Variants in TLR8 observed in about 807,000 individuals in gnomAD.
TLR8 encodes toll like receptor 8, also known as toll-like receptor 8.
Under a neutral mutation model 18.5 loss-of-function variants are expected in TLR8, and 5 were observed. The observed-to-expected ratio is 0.27, with a 90% CI of 0.14 to 0.57. The LOEUF (loss-of-function observed/expected upper bound fraction) is 0.57, where lower values mean the gene tolerates loss of function less well. TLR8 is among the 20% of genes least tolerant of loss of function. The pLI is 0.92. For synonymous variants in TLR8, 299 were observed against 300.1 expected (o/e 1.00, Z 0.04); for missense variants, 543 against 769.8 (o/e 0.71, Z 3.49).
chrX:12,922,412 C>A lies in TLR8; in HGVS notation c.*246C>A. 1 of 353,507 alleles carries A rather than the reference C, an allele frequency of 2.8e-6. No individual in the cohort carries two copies. The highest frequency in any genetic ancestry group is 4.9e-6 in the Non-Finnish European group (1 of 205,810). The allele number at this position is 353,507 out of a possible 1,213,427, so 29.1% of individuals were successfully genotyped here. A position where few individuals can be genotyped will look rare whatever the true frequency, so the allele number is the denominator to read the frequency against. On this transcript the variant is annotated 3_prime_UTR_variant, in exon 2 of 2. Transcript: ENST00000218032. Reference sequence around the variant, plus strand: ...ACATAGGCATCACTGGGGTCACACTCATGTGGTTGTTTTCTGGATTCAATT... The same window carrying A: ...ACATAGGCATCACTGGGGTCACACTAATGTGGTTGTTTTCTGGATTCAATT...
At position 12,921,974 on chromosome X, in the gene TLR8, C is replaced by T; in HGVS notation, c.2934C>T (p.Ile978=). The change falls in exon 2 of 2, where the codon ATC becomes ATT. Residue 978 remains isoleucine (I), a synonymous_variant. Transcript: ENST00000218032. ...AGAACATGGATGTGATTATATTTAT[C>T]CTGCTGGAGCCAGTGTTACAGCATT... The part of the protein sequence containing the change: ...MDENMDVIIF[I]LLEPVLQHSQ... 8.3e-7 allele frequency: 1 copy of T among 1,211,034 alleles called. No individual in the cohort carries two copies. Among genetic ancestry groups the T allele is most frequent in the Non-Finnish European group, 1.1e-6 (1 of 895,074 alleles).
chrX:12,915,968 G>A (rs1307335157), intron 1 of TLR8, among the ~76,000 whole-genome samples: 1 of 109,483 alleles, frequency 9.1e-6, no homozygotes, highest in Non-Finnish European at 1.9e-5. Flanking sequence ...CACAACCTCT[G>A]CCTCCTGGGT....
At position 12,920,680 on chromosome X, in the gene TLR8, C is replaced by A; in HGVS notation, c.1640C>A (p.Ala547Asp). 1 of 1,211,533 alleles carries A rather than the reference C, an allele frequency of 8.3e-7. No individual in the cohort carries two copies. The change falls in exon 2 of 2, where the codon GCT becomes GAT. Residue 547 changes from alanine (A) to aspartate (D), a missense_variant. Physicochemically the swap from Ala to Asp is moderately radical, Grantham distance 126. Coordinates refer to ENST00000218032, the MANE Select transcript of TLR8 (RefSeq NM_138636.5). ...LTNNRLDFDN[A>D]SALTELSDLE... is the part of the protein sequence containing the mutation. ...AACAATAGACTAGACTTTGATAATG[C>A]TAGTGCTCTTACTGAATTGTCCGAC...
chrX:12,919,478 G>A lies in TLR8; in HGVS notation c.438G>A (p.Glu146=). 1.7e-6 allele frequency: 2 copies of A among 1,210,813 alleles called. No individual in the cohort carries two copies. Among genetic ancestry groups the A allele is most frequent in the Non-Finnish European group, 2.2e-6 (2 of 895,104 alleles). ...QLPQIPSGLP[E]SLTELSLIQN... ...CCCAAATACCCTCTGGTTTGCCAGA[G>A]TCTTTGACAGAACTTAGTCTAATTC... is the stretch of plus-strand genomic sequence containing the variant. The change falls in exon 2 of 2, where the codon GAG becomes GAA. Residue 146 remains glutamate (E), a synonymous_variant. Coordinates refer to ENST00000218032, the MANE Select transcript of TLR8 (RefSeq NM_138636.5).
At chrX:12,915,775 G>A (rs185589355) in intron 1 of TLR8, among the ~76,000 whole-genome samples, 1 of 112,592 alleles carries the variant, frequency 8.9e-6, no homozygotes, top group East Asian at 2.8e-4. Context: ...ATAGACACAG[G>A]GCCTTTGCAC....
At chrX:12,918,905 G>A in intron 1 of TLR8, 139 bp from the exon 2 acceptor site, 6 of 680,945 alleles carry the variant, frequency 8.8e-6, no homozygotes, top group Non-Finnish European at 1.3e-5. Flanking sequence ...GACCTAATCT[G>A]ATGCAATTTA....
chrX:12,919,954 C>G lies in TLR8; in HGVS notation c.914C>G (p.Ala305Gly). Residue 305 changes from alanine to glycine, a missense_variant, in exon 2 of 2, where the codon GCC becomes GGC. Ala to Gly is a moderately conservative substitution (Grantham distance 60). This residue lies in a region of TLR8 where 185 missense variants were observed against 298.9 expected (regional missense o/e 0.62). Transcript: ENST00000218032. Reference sequence around the variant, plus strand: ...ACTTCCCTCAGGAAGATTAATGCTGCCTGGTTTAAAAATATGCCTCATCTG... The same window carrying G: ...ACTTCCCTCAGGAAGATTAATGCTGGCTGGTTTAAAAATATGCCTCATCTG... ...SSTSLRKINA[A>G]WFKNMPHLKV... The G allele has an allele frequency of 8.3e-7, 1 of 1,211,424 alleles. No homozygotes were observed. Among genetic ancestry groups the G allele is most frequent in the Admixed American group, 2.2e-5 (1 of 45,994 alleles).
At chrX:12,907,480 C>T (rs2042992369) in intron 1 of TLR8, among the ~76,000 whole-genome samples, 1 of 112,115 alleles carries the variant, frequency 8.9e-6, no homozygotes, top group South Asian at 3.7e-4. Context: ...CCAAAATGTA[C>T]TATATATTTT....
intron 1 of TLR8, among the ~76,000 whole-genome samples, chrX:12,917,064 G>A (rs778613504): frequency 1.8e-5 from 2 of 111,480 alleles, no homozygotes; most frequent in African/African-American, 3.3e-5. Flanking sequence ...AAAACGTTCC[G>A]CCTTCAAACG....
rs1287401809 is a variant in TLR8, at chrX:12,921,377, C to T, written c.2337C>T (p.Asp779=). The change falls in exon 2 of 2, where the codon GAC becomes GAT. Residue 779 remains aspartate (D), a synonymous_variant. Transcript: ENST00000218032. ...GAAACCCCTTTGAATGCACCTGTGA[C>T]ATTGGAGATTTCCGAAGATGGATGG... ...LHGNPFECTC[D]IGDFRRWMDE... The T allele has an allele frequency of 1.7e-6, 2 of 1,211,874 alleles. No homozygotes were observed. The highest frequency in any genetic ancestry group is 2.2e-6 in the Non-Finnish European group (2 of 895,381).
chrX:12,910,772 T>C (rs2043015746), intron 1 of TLR8, among the ~76,000 whole-genome samples: 1 of 111,955 alleles, frequency 8.9e-6, no homozygotes, highest in East Asian at 2.8e-4. Context: ...AGAGAGGCTG[T>C]TGTTGTTGTG....
At chrX:12,910,274 T>C in intron 1 of TLR8, 1 of 1,106,635 alleles carries the variant, frequency 9.0e-7, no homozygotes, top group Non-Finnish European at 1.2e-6. Flanking sequence ...GTAATTCAAC[T>C]GAGGAGATTA....
In TLR8 at chrX:12,919,502, T is replaced by C; in HGVS notation, c.462T>C (p.Ile154=). The C allele has an allele frequency of 8.3e-7, 1 of 1,209,809 alleles. No individual in the cohort carries two copies. The highest frequency in any genetic ancestry group is 1.1e-6 in the Non-Finnish European group (1 of 894,809). ...LPESLTELSL[I]QNNIYNITKE... ...AGTCTTTGACAGAACTTAGTCTAAT[T>C]CAAAACAATATATACAACATAACTA... Residue 154 remains isoleucine (I), a synonymous_variant, in exon 2 of 2, where the codon ATT becomes ATC. Transcript: ENST00000218032.
Position 12,919,465 on chromosome X carries a change from C to G in TLR8, c.425C>G (p.Ser142Cys). ...GACAACCAGTTACCCCAAATACCCT[C>G]TGGTTTGCCAGAGTCTTTGACAGAA... ...LEDNQLPQIP[S>C]GLPESLTELS... The change falls in exon 2 of 2, where the codon TCT becomes TGT. Residue 142 changes from serine (S) to cysteine (C), a missense_variant. Transcript: ENST00000218032. 1 of 1,210,992 alleles carries G rather than the reference C, an allele frequency of 8.3e-7. No individual in the cohort carries two copies. The highest frequency in any genetic ancestry group is 1.1e-6 in the Non-Finnish European group (1 of 895,081).
rs772304152 is a variant in TLR8, at chrX:12,922,034, G to A, written c.2994G>A (p.Lys998=). Residue 998 remains lysine, a synonymous_variant, in exon 2 of 2, where the codon AAG becomes AAA. Transcript: ENST00000218032. ...QYLRLRQRIC[K]SSILQWPDNP... is the part of the protein sequence containing the mutation. ...TGAGGCTACGGCAGCGGATCTGTAAGAGCTCCATCCTCCAGTGGCCTGACA... is the reference window on the plus strand; with the variant it reads ...TGAGGCTACGGCAGCGGATCTGTAAAAGCTCCATCCTCCAGTGGCCTGACA... The A allele has an allele frequency of 4.1e-6, 5 of 1,210,054 alleles. No homozygotes were observed. In the East Asian group the frequency reaches 8.9e-5, roughly 21 times the overall value.
intron 1 of TLR8, among the ~76,000 whole-genome samples, chrX:12,909,792 A>G (rs758619407): frequency 5.4e-5 from 6 of 112,003 alleles, no homozygotes; most frequent in Non-Finnish European, 1.1e-4. Flanking sequence ...TGACCTTGAA[A>G]ACATTCATCT....
chrX:12,917,561 T>G (rs761231910), intron 1 of TLR8, among the ~76,000 whole-genome samples: 1 of 112,490 alleles, frequency 8.9e-6, no homozygotes, highest in African/African-American at 3.2e-5. Flanking sequence ...GTTTCTGTGT[T>G]CAGTGAAAGA....
Position 12,921,520 on chromosome X carries a change from C to A in TLR8, c.2480C>A (p.Thr827Asn), listed in dbSNP as rs755569200. Residue 827 changes from threonine to asparagine, a missense_variant, in exon 2 of 2, where the codon ACT becomes AAT. Coordinates refer to ENST00000218032, the MANE Select transcript of TLR8 (RefSeq NM_138636.5). ...LELTTCVSDV[T>N]AVILFFFTFF... Reference sequence around the variant, plus strand: ...CTAACAACTTGTGTTTCAGATGTCACTGCAGTGATATTATTTTTCTTCACG... The same window carrying A: ...CTAACAACTTGTGTTTCAGATGTCAATGCAGTGATATTATTTTTCTTCACG... 1 of 1,211,433 alleles carries A rather than the reference C, an allele frequency of 8.3e-7. No homozygotes were observed. Among genetic ancestry groups the A allele is most frequent in the Non-Finnish European group, 1.1e-6 (1 of 895,215 alleles).
chrX:12,910,472 C>G (rs1191880086), intron 1 of TLR8: 39 of 1,157,933 alleles, frequency 3.4e-5, no homozygotes, highest in Non-Finnish European at 4.0e-5. Flanking sequence ...AGGAAGACAG[C>G]TTTACGCCCC....
Sources: gnomAD v4.1 joint callset for allele counts (sites outside exome capture counted in the v4.1 genomes callset) on GRCh38, gnomAD v4.1.1 for gene constraint, gnomAD v4.1.1 regional missense constraint, MANE v1.5 for transcripts, NCBI Gene and HGNC (gene_info 2026-07-23, HGNC 2026-07-21) for gene names.